SNX7: variants seen among roughly 807,000 people sequenced by gnomAD.
SNX7 encodes the protein sorting nexin-7.
In SNX7, 35 loss-of-function variants were observed where a neutral mutation model predicts 48.4. The observed-to-expected ratio is 0.72, with a 90% CI of 0.55 to 0.96. The LOEUF is 0.96. Ranked by LOEUF, SNX7 falls within the 40% of genes least tolerant of loss-of-function variation. SNX7 has a pLI of 0.00. For missense variants in SNX7, 553 were observed against 548.9 expected (o/e 1.01, Z -0.07); for synonymous variants, 190 against 190.2 (o/e 1.00, Z 0.01).
intron 1 of SNX7, among the ~76,000 whole-genome samples, chr1:98,677,990 C>CATGTGTGTGTGTGTGTGTGT (rs1553197439): frequency 7.1e-6 from 1 of 141,780 alleles, no homozygotes; most frequent in East Asian, 2.0e-4. Flanking sequence ...TGTGTGTGTG[C>CATGTGTGTGTGTGTGTGTGT]GTGTGTGTGT....
In SNX7 at chr1:98,691,110, A is replaced by G; in HGVS notation, c.399A>G (p.Glu133=). ...GGGAATTTGACTCCAGTGAATTTGAAGTTAGGAGACGATATCAAGATTTCC... is the reference window on the plus strand; with the variant it reads ...GGGAATTTGACTCCAGTGAATTTGAGGTTAGGAGACGATATCAAGATTTCC... ...SRGEFDSSEF[E]VRRRYQDFLW... Residue 133 remains glutamate, a synonymous_variant, in exon 3 of 9, where the codon GAA becomes GAG. Transcript: ENST00000306121. 2 of 1,608,808 alleles carry G rather than the reference A, an allele frequency of 1.2e-6. No individual in the cohort carries two copies. The highest frequency in any genetic ancestry group is 1.7e-6 in the Non-Finnish European group (2 of 1,177,006).
At chr1:98,722,787 CAA>C (rs1557821476) in intron 7 of SNX7, among the ~76,000 whole-genome samples, 1 of 138,430 alleles carries the variant, frequency 7.2e-6, no homozygotes, top group Non-Finnish European at 1.6e-5. Context: ...AAAAGGAAAA[CAA>C]TGATGATATT....
chr1:98,737,792 G>A (rs1246499227), intron 7 of SNX7, among the ~76,000 whole-genome samples: 1 of 152,118 alleles, frequency 6.6e-6, no homozygotes, highest in Non-Finnish European at 1.5e-5. Context: ...TCAGTTAGTT[G>A]AGGCTTCAGC....
intron 1 of SNX7, among the ~76,000 whole-genome samples, chr1:98,681,206 A>T (rs1650469715): frequency 6.6e-6 from 1 of 152,160 alleles, no homozygotes; most frequent in Admixed American, 6.5e-5. Context: ...ATCTCATGAG[A>T]CTTATTCACT....
chr1:98,698,585 G>A (rs1056704152), intron 5 of SNX7, 121 bp from the exon 6 acceptor site: 15 of 868,254 alleles, frequency 1.7e-5, no homozygotes, highest in African/African-American at 1.2e-4. Context: ...GTTTTCTTAT[G>A]TTCTTGTGTA....
chr1:98,673,905 A>G (rs1251403280), intron 1 of SNX7, among the ~76,000 whole-genome samples: 1 of 152,220 alleles, frequency 6.6e-6, no homozygotes, highest in Non-Finnish European at 1.5e-5. Flanking sequence ...ATTTGCTATT[A>G]TGGTATATAA....
chr1:98,715,320 C>G (rs1652528561), intron 7 of SNX7, among the ~76,000 whole-genome samples: 1 of 152,106 alleles, frequency 6.6e-6, no homozygotes, highest in South Asian at 2.1e-4. Context: ...ACGGGAATGT[C>G]ACTTAAGTGT....
intron 8 of SNX7, among the ~76,000 whole-genome samples, chr1:98,752,360 G>A (rs1272975681): frequency 6.6e-6 from 1 of 152,004 alleles, no homozygotes; most frequent in Admixed American, 6.6e-5. Context: ...AGGATATCAG[G>A]TAACACAGGT....
intron 6 of SNX7, among the ~76,000 whole-genome samples, chr1:98,699,849 A>G (rs886138908): frequency 6.6e-6 from 1 of 152,182 alleles, no homozygotes; most frequent in African/African-American, 2.4e-5. Flanking sequence ...GCTGTACTTA[A>G]CTTTATTGGA....
intron 1 of SNX7, among the ~76,000 whole-genome samples, chr1:98,681,810 T>C (rs962587213): frequency 5.9e-5 from 9 of 152,192 alleles, no homozygotes; most frequent in Admixed American, 1.3e-4. Context: ...ATTGCGTCAG[T>C]GCTAATTTCC....
chr1:98,750,897 T>G (rs1654548391), intron 8 of SNX7, among the ~76,000 whole-genome samples: 1 of 152,106 alleles, frequency 6.6e-6, no homozygotes, highest in Non-Finnish European at 1.5e-5. Flanking sequence ...TATTCCACGC[T>G]GGGTCAAGCA....
chr1:98,687,915 T>C (rs993322592), intron 2 of SNX7, among the ~76,000 whole-genome samples: 1 of 152,164 alleles, frequency 6.6e-6, no homozygotes, highest in African/African-American at 2.4e-5. Context: ...CCTTATTCAC[T>C]ACCATGAAAA....
chr1:98,661,691 TGGCGGC>T (rs1266282138), upstream of SNX7: 30 of 1,198,518 alleles, frequency 2.5e-5, no homozygotes, highest in Non-Finnish European at 2.9e-5. Context: ...GGAGCCGGGC[TGGCGGC>T]GGCGGTGGCG....
intron 1 of SNX7, among the ~76,000 whole-genome samples, chr1:98,668,065 G>T (rs1649639007): frequency 6.6e-6 from 1 of 152,020 alleles, no homozygotes; most frequent in Non-Finnish European, 1.5e-5. Flanking sequence ...TTTCTCCTTG[G>T]GGAGGAAGTC....
intron 8 of SNX7, among the ~76,000 whole-genome samples, chr1:98,753,856 T>C (rs1654706629): frequency 6.6e-6 from 1 of 152,120 alleles, no homozygotes; most frequent in Non-Finnish European, 1.5e-5. Flanking sequence ...AGATATACTT[T>C]GGCATTTTTG....
intron 7 of SNX7, among the ~76,000 whole-genome samples, chr1:98,726,333 T>C (rs1653168880): frequency 6.6e-6 from 1 of 152,184 alleles, no homozygotes; most frequent in South Asian, 2.1e-4. Flanking sequence ...TGGAATGTTA[T>C]TTCTTCAAAG....
intron 8 of SNX7, among the ~76,000 whole-genome samples, chr1:98,739,376 A>T (rs1050071970): frequency 1.3e-5 from 2 of 152,228 alleles, no homozygotes; most frequent in African/African-American, 2.4e-5. Flanking sequence ...TTATCCGTTT[A>T]AAAGAACTTT....
chr1:98,758,299 C>G (rs1178769626), intron 8 of SNX7, among the ~76,000 whole-genome samples: 1 of 151,982 alleles, frequency 6.6e-6, no homozygotes, highest in Non-Finnish European at 1.5e-5. Context: ...TTAAAGATAT[C>G]TAAATTCTTC....
Position 98,661,774 on chromosome 1 carries a change from C to G in SNX7, c.43C>G (p.Leu15Val). Residue 15 changes from leucine to valine, a missense_variant, in exon 1 of 9, where the codon CTC (leucine) becomes GTC (valine). Coordinates refer to ENST00000306121, the MANE Select transcript of SNX7 (RefSeq NM_015976.5). ...RRASQAPSSG[L>V]PAGGANGESP... ...GGCATCGCAGGCGCCCTCCTCGGGC[C>G]TCCCGGCCGGGGGCGCCAACGGGGA... 8.1e-7 allele frequency: 1 copy of G among 1,242,234 alleles called. No homozygotes were observed. Among genetic ancestry groups the G allele is most frequent in the Non-Finnish European group, 1.0e-6 (1 of 986,252 alleles). The allele number at this position is 1,242,234 out of a possible 1,614,324, so 77.0% of individuals were successfully genotyped here.
Sources: allele counts gnomAD v4.1 joint callset (sites outside exome capture counted in the v4.1 genomes callset), GRCh38; gene constraint gnomAD v4.1.1; transcripts MANE v1.5; gene names NCBI Gene and HGNC (gene_info 2026-07-23, HGNC 2026-07-21).